The following VAC14 variants were observed in gnomAD, a reference collection of about 807,000 sequenced individuals.
VAC14 encodes the protein VAC14 component of PIKFYVE complex, also known as protein VAC14 homolog.
Under a neutral mutation model 85.3 loss-of-function variants are expected in VAC14, and 47 were observed. The ratio of observed to expected loss-of-function variants is 0.55; its 90% CI spans 0.44 to 0.70. The LOEUF (loss-of-function observed/expected upper bound fraction) is 0.70, where lower values mean the gene tolerates loss of function less well. Among genes scored for constraint, VAC14 ranks in the 30% least tolerant of loss-of-function variants. VAC14 has a pLI of 0.00. For synonymous variants in VAC14, 447 were observed against 430.5 expected, an observed-to-expected ratio of 1.04 and a Z score of -0.47; for missense variants, 861 against 1,004.3, an observed-to-expected ratio of 0.86 and a Z score of 1.93.
chr16:70,765,940 T>C (rs982618846), intron 10 of VAC14, among the ~76,000 whole-genome samples: 3 of 151,976 alleles, frequency 2.0e-5, no homozygotes, highest in African/African-American at 7.2e-5. Context: ...GAGACCAGCT[T>C]GGGCAACACA....
At chr16:70,737,314 G>A (rs1050886153) in intron 13 of VAC14, among the ~76,000 whole-genome samples, 1 of 152,180 alleles carries the variant, frequency 6.6e-6, no homozygotes, top group African/African-American at 2.4e-5. Flanking sequence ...GGACCTCAGC[G>A]GTTTTACTCA....
At chr16:70,764,019 C>G (rs922238288) in intron 10 of VAC14, among the ~76,000 whole-genome samples, 9 of 152,206 alleles carry the variant, frequency 5.9e-5, no homozygotes, top group Non-Finnish European at 1.3e-4. Flanking sequence ...TTTCTAAGGA[C>G]CTGGGCCAGC....
chr16:70,731,313 T>C (rs1483596172), intron 14 of VAC14, 182 bp downstream of exon 14: 1 of 1,446,932 alleles, frequency 6.9e-7, no homozygotes, highest in Non-Finnish European at 9.1e-7. Flanking sequence ...GTCTGTTTCA[T>C]GTCAGAAGCA....
chr16:70,742,159 A>T (rs1353578307), intron 13 of VAC14, among the ~76,000 whole-genome samples: 1 of 152,158 alleles, frequency 6.6e-6, no homozygotes, highest in African/African-American at 2.4e-5. Flanking sequence ...TGCTGCCTTC[A>T]AGTTCTCTGC....
intron 9 of VAC14, 152 bp from the exon 10 acceptor site, chr16:70,772,324 C>T (rs527853387): frequency 2.8e-5 from 17 of 616,256 alleles, no homozygotes; most frequent in African/African-American, 2.6e-4. Context: ...CCCTGAGGAC[C>T]CAACCAACGC....
At chr16:70,689,347 G>C (rs1470035453) in intron 18 of VAC14, 1 of 985,488 alleles carries the variant, frequency 1.0e-6, no homozygotes, top group Non-Finnish European at 1.2e-6. Context: ...GGGCCCAGCA[G>C]CTTGAGGGTG....
chr16:70,724,664 G>A (rs186630334), intron 14 of VAC14, among the ~76,000 whole-genome samples: 3 of 152,330 alleles, frequency 2.0e-5, no homozygotes, highest in East Asian at 1.9e-4. Flanking sequence ...ACTCCTCTGC[G>A]TCCCTTGCAT....
At chr16:70,689,746 G>T (rs574996090) in intron 18 of VAC14, 279 of 985,522 alleles carry the variant, frequency 2.8e-4, no homozygotes, top group Non-Finnish European at 3.1e-4. Context: ...CAGCTGGGCG[G>T]GGCCATTCTA....
At chr16:70,771,996 A>T in intron 10 of VAC14, 113 bp downstream of exon 10, 1 of 963,730 alleles carries the variant, frequency 1.0e-6, no homozygotes. Flanking sequence ...GTGTCCCAAA[A>T]GCAGCAGCCG....
chr16:70,785,652 G>A (rs769763029), intron 3 of VAC14, 50 bp downstream of exon 3: 1 of 1,509,390 alleles, frequency 6.6e-7, no homozygotes, highest in African/African-American at 1.4e-5. Context: ...GGTCAAGTGA[G>A]GTGGGGGAAC....
chr16:70,750,628 T>A (rs1421452901), intron 12 of VAC14, among the ~76,000 whole-genome samples: 1 of 152,018 alleles, frequency 6.6e-6, no homozygotes, highest in Non-Finnish European at 1.5e-5. Context: ...GTGGTGACTT[T>A]ACACCAGCAA....
intron 7 of VAC14, 42 bp downstream of exon 7, chr16:70,782,991 A>G (rs2143256213): frequency 6.4e-7 from 1 of 1,568,746 alleles, no homozygotes; most frequent in East Asian, 2.2e-5. Context: ...CAGTGGCAGC[A>G]GCAGTGGCAG....
chr16:70,710,552 T>C (rs1485302241), intron 14 of VAC14, among the ~76,000 whole-genome samples: 1 of 152,240 alleles, frequency 6.6e-6, no homozygotes, highest in Non-Finnish European at 1.5e-5. Flanking sequence ...GCCCGTGTTC[T>C]GATCACCAAG....
In VAC14 at chr16:70,762,913, G is replaced by T; in HGVS notation, c.1273C>A (p.Leu425Ile). The T allele has an allele frequency of 6.2e-7, 1 of 1,614,242 alleles. No individual in the cohort carries two copies. Among genetic ancestry groups the T allele is most frequent in the Non-Finnish European group, 8.5e-7 (1 of 1,180,048 alleles). The change falls in exon 11 of 19, where the codon CTC becomes ATC. Residue 425 changes from leucine (L) to isoleucine (I), a missense_variant. Leu to Ile is a conservative substitution (Grantham distance 5). Coordinates refer to ENST00000261776, the MANE Select transcript of VAC14 (RefSeq NM_018052.5). The surrounding 1 kb of genome is among the most constrained non-coding windows in gnomAD (Gnocchi z 4.1). The part of the protein sequence containing the change: ...MMTRIAVLKW[L>I]YHLYIKTPRK... ...GGAGTTTTGATGTAGAGGTGGTAGA[G>T]CCACTTGAGAACTGCAATCCTGGTC...
chr16:70,746,532 A>C (rs2030904861), intron 12 of VAC14, among the ~76,000 whole-genome samples: 1 of 152,214 alleles, frequency 6.6e-6, no homozygotes, highest in Non-Finnish European at 1.5e-5. Flanking sequence ...TGGCTGCCAC[A>C]CAGCCCAGTC....
intron 10 of VAC14, among the ~76,000 whole-genome samples, chr16:70,765,442 GAA>G (rs906501228): frequency 3.9e-5 from 6 of 152,182 alleles, no homozygotes; most frequent in African/African-American, 1.4e-4. Flanking sequence ...TGATGGCTGT[GAA>G]AAGTGAAAGC....
intron 4 of VAC14, 96 bp from the exon 5 acceptor site, chr16:70,784,316 C>T (rs542357590): frequency 1.4e-5 from 14 of 979,710 alleles, no homozygotes; most frequent in Admixed American, 6.1e-5. Context: ...AGCGCTCAGG[C>T]GGCCACCAAG....
intron 12 of VAC14, among the ~76,000 whole-genome samples, chr16:70,760,826 A>G (rs1033163870): frequency 3.3e-5 from 5 of 152,128 alleles, no homozygotes; most frequent in African/African-American, 4.8e-5. Flanking sequence ...GAAGGAACCA[A>G]TCAGCAAAGT....
intron 12 of VAC14, among the ~76,000 whole-genome samples, chr16:70,745,508 T>C (rs2030790907): frequency 6.7e-6 from 1 of 148,774 alleles, no homozygotes; most frequent in African/African-American, 2.6e-5. Context: ...TGTGTGTGTG[T>C]GTGTGTGTGT....
Sources: gnomAD v4.1 joint callset for allele counts (sites outside exome capture counted in the v4.1 genomes callset) on GRCh38, gnomAD v4.1.1 for gene constraint, Gnocchi (gnomAD v3.1) non-coding constraint, MANE v1.5 for transcripts, NCBI Gene and HGNC (gene_info 2026-07-23, HGNC 2026-07-21) for gene names.